Variants in RFFL observed in about 807,000 individuals in gnomAD.
RFFL encodes the protein E3 ubiquitin-protein ligase rififylin.
In RFFL, 16 loss-of-function variants were observed where a neutral mutation model predicts 40.4. The ratio of observed to expected loss-of-function variants is 0.40; its 90% CI spans 0.27 to 0.60. RFFL has a LOEUF of 0.60. Among genes scored for constraint, RFFL ranks in the 20% least tolerant of loss-of-function variants. The pLI is 0.47. For missense variants in RFFL, 367 were observed against 451.7 expected, an observed-to-expected ratio of 0.81 and a Z score of 1.70; for synonymous variants, 154 against 167.9, an observed-to-expected ratio of 0.92 and a Z score of 0.64.
intron 1 of RFFL, among the ~76,000 whole-genome samples, chr17:35,070,836 G>A (rs928468336): frequency 1.3e-5 from 2 of 152,082 alleles, no homozygotes; most frequent in East Asian, 1.9e-4. Context: ...TTTGTCAGTC[G>A]AATCAGTTTT....
intron 1 of RFFL, among the ~76,000 whole-genome samples, chr17:35,062,007 T>A (rs2091294015): frequency 6.6e-6 from 1 of 151,846 alleles, no homozygotes; most frequent in African/African-American, 2.4e-5. Context: ...TTTTGACCTC[T>A]GGTAAATTAA....
chr17:35,011,899 T>TGGGCTCA lies in RFFL; in HGVS notation c.*68_*69insTGAGCCC. The TGGGCTCA allele has an allele frequency of 4.0e-6, 6 of 1,503,882 alleles. No homozygotes were observed. Among genetic ancestry groups the TGGGCTCA allele is most frequent in the Non-Finnish European group, 5.5e-6 (6 of 1,098,476 alleles). The allele number at this position is 1,503,882 out of a possible 1,614,324, so 93.2% of individuals were successfully genotyped here. ...TCTACTAGCTTGCTCCTCTGCAAGC[T>TGGGCTCA]GGCCAACCCTGAGCCCAGACACCCC... On this transcript the variant is annotated 3_prime_UTR_variant, in exon 7 of 7. Transcript: ENST00000394597.
chr17:35,041,640 G>A (rs2091166038), intron 1 of RFFL, among the ~76,000 whole-genome samples: 1 of 151,026 alleles, frequency 6.6e-6, no homozygotes, highest in South Asian at 2.1e-4. Flanking sequence ...AATGGGGGAG[G>A]ACTCCTCATG....
At chr17:35,027,849 A>G (rs987026617) in intron 1 of RFFL, among the ~76,000 whole-genome samples, 2 of 152,032 alleles carry the variant, frequency 1.3e-5, no homozygotes, top group African/African-American at 4.8e-5. Flanking sequence ...CCTAGCCAAC[A>G]TGGTGAAACC....
chr17:35,007,265 AGT>A lies in RFFL; in HGVS notation c.*4701_*4702del, dbSNP rs2090901900. ...GATCATCTTGTCCCTTCTCTGCCTT[AGT>A]GTGTGTTATTGCCATTTCAATGTCA... On this transcript the variant is annotated 3_prime_UTR_variant, in exon 7 of 7. Transcript: ENST00000394597. 2.0e-5 allele frequency: 3 copies of A among 152,266 alleles called. No homozygotes were observed. The South Asian group carries it at 6.2e-4, about 32-fold the overall frequency. 9.4% of individuals were successfully genotyped at this position (152,266 alleles called of 1,614,324 possible).
intron 1 of RFFL, among the ~76,000 whole-genome samples, chr17:35,046,630 G>A (rs1308973100): frequency 6.6e-6 from 1 of 152,202 alleles, no homozygotes; most frequent in Non-Finnish European, 1.5e-5. Flanking sequence ...TTCTTAAGCG[G>A]TAACTGTTAA....
chr17:35,032,323 C>T (rs1258191904), intron 1 of RFFL, among the ~76,000 whole-genome samples: 1 of 151,892 alleles, frequency 6.6e-6, no homozygotes. Context: ...TGGGACAGAT[C>T]AGCAAGGGGC....
chr17:35,014,601 G>T, intron 6 of RFFL, 139 bp downstream of exon 6: 1 of 782,118 alleles, frequency 1.3e-6, no homozygotes. Context: ...AGGCCCCCTG[G>T]GTCTCAGTGA....
chr17:35,053,239 A>G (rs548877289), intron 1 of RFFL, among the ~76,000 whole-genome samples: 1 of 152,354 alleles, frequency 6.6e-6, no homozygotes, highest in South Asian at 2.1e-4. Flanking sequence ...CAGATATGTA[A>G]AGTTCCTCCA....
At chr17:35,015,469 G>A (rs891745985) in intron 5 of RFFL, among the ~76,000 whole-genome samples, 6 of 152,234 alleles carry the variant, frequency 3.9e-5, no homozygotes, top group Admixed American at 3.3e-4. Context: ...AGGTCCTGAC[G>A]ACTGGAGAGA....
chr17:35,045,166 C>G (rs929531349), intron 1 of RFFL, among the ~76,000 whole-genome samples: 2 of 152,144 alleles, frequency 1.3e-5, no homozygotes, highest in African/African-American at 4.8e-5. Flanking sequence ...ATAATGATTA[C>G]ATTCTGGGGG....
At chr17:35,016,094 A>G (rs897838602) in intron 5 of RFFL, among the ~76,000 whole-genome samples, 4 of 152,256 alleles carry the variant, frequency 2.6e-5, no homozygotes, top group African/African-American at 9.6e-5. Context: ...CTTAGACCAT[A>G]AAATTTTCAG....
chr17:35,049,810 G>A (rs1807304975), intron 1 of RFFL, among the ~76,000 whole-genome samples: 1 of 152,164 alleles, frequency 6.6e-6, no homozygotes, highest in Admixed American at 6.5e-5. Context: ...GGCCAGGTGT[G>A]GTAGCTCACG....
In RFFL at chr17:35,029,299, G is replaced by A. The variant is rs190601231; in HGVS notation, c.-8-2738C>T. 8.8e-4 allele frequency among the ~76,000 whole-genome samples: 134 copies of A among 151,486 alleles called. 1 individual carries two copies. Among genetic ancestry groups the A allele is most frequent in the Non-Finnish European group, 3.1e-4 (21 of 67,934 alleles). On this transcript the variant is annotated intron_variant, in intron 1 of 6. Transcript: ENST00000394597. ...TGAGTTCTTTGCTGCCAAGAGAAATGGGGACAACAGAGGAGGAATAGCCCT... is the reference window on the plus strand; with the variant it reads ...TGAGTTCTTTGCTGCCAAGAGAAATAGGGACAACAGAGGAGGAATAGCCCT...
At chr17:35,033,820 A>G (rs1161414988) in intron 1 of RFFL, among the ~76,000 whole-genome samples, 1 of 151,846 alleles carries the variant, frequency 6.6e-6, no homozygotes, top group Non-Finnish European at 1.5e-5. Flanking sequence ...CAACCTGAGC[A>G]ACACACTGAG....
intron 6 of RFFL, 116 bp from the exon 7 acceptor site, chr17:35,012,265 T>C: frequency 3.7e-6 from 3 of 812,304 alleles, no homozygotes; most frequent in Non-Finnish European, 5.7e-6. Flanking sequence ...GTAAACAAAG[T>C]CTCAGTGCAC....
At chr17:35,085,412 C>T (rs1222684314) in intron 1 of RFFL, among the ~76,000 whole-genome samples, 2 of 152,162 alleles carry the variant, frequency 1.3e-5, no homozygotes, top group Non-Finnish European at 2.9e-5. Context: ...GCTGGTTTTA[C>T]TCCAGAGGAA....
intron 1 of RFFL, among the ~76,000 whole-genome samples, chr17:35,050,165 G>A (rs1390120213): frequency 6.6e-6 from 1 of 151,948 alleles, no homozygotes; most frequent in Non-Finnish European, 1.5e-5. Context: ...AGGATCACTT[G>A]AGCCTGGGAG....
rs1398171173 is a variant in RFFL, at chr17:35,063,655, A to C, written c.-88T>G. ...TCCTGTGGCTGAGGTCGCTGGAGCC[A>C]TGTTCAGATGAGATCATCTCAGGAA... On this transcript the variant is annotated 5_prime_UTR_variant, in exon 1 of 7. The change abolishes an upstream ATG in the 5' untranslated region. Transcript: ENST00000394597. 1 of 152,214 alleles carries C rather than the reference A, an allele frequency of 6.6e-6. No individual in the cohort carries two copies. Among genetic ancestry groups the C allele is most frequent in the Non-Finnish European group, 1.5e-5 (1 of 68,060 alleles). 9.4% of individuals were successfully genotyped at this position (152,214 alleles called of 1,614,324 possible).
Sources: gnomAD v4.1 joint callset for allele counts (sites outside exome capture counted in the v4.1 genomes callset) on GRCh38, gnomAD v4.1.1 for gene constraint, MANE v1.5 for transcripts, NCBI Gene and HGNC (gene_info 2026-07-23, HGNC 2026-07-21) for gene names.